PIEZO2: variants seen among roughly 807,000 people sequenced by gnomAD.
PIEZO2 encodes the protein piezo type mechanosensitive ion channel component 2.
A neutral mutation model predicts 337.3 loss-of-function variants in PIEZO2; 172 were observed. The ratio of observed to expected loss-of-function variants is 0.51; its 90% CI spans 0.45 to 0.58. PIEZO2 has a LOEUF of 0.58. PIEZO2 is among the 20% of genes least tolerant of loss of function. PIEZO2 has a pLI of 0.00. For synonymous variants in PIEZO2, 1,251 were observed against 1,228.5 expected (o/e 1.02, Z -0.38); for missense variants, 3,028 against 3,391.3 (o/e 0.89, Z 2.66).
rs1191831092 is a variant in PIEZO2, at chr18:10,943,959, A to C, written c.287-32731T>G. On this transcript the variant is annotated intron_variant, in intron 3 of 55. Transcript: ENST00000674853. This position sits in a 1 kb window ranked among gnomAD's most constrained non-coding sequence, Gnocchi z 4.5. ...TCTCTTTGCCTGCTGCCATCCACGT[A>C]TGATGTGACTTCCTCCTACTTGCCT... Among the ~76,000 whole-genome samples, 1 of 152,134 alleles carries C rather than the reference A, an allele frequency of 6.6e-6. No individual in the cohort carries two copies. Among genetic ancestry groups the C allele is most frequent in the Non-Finnish European group, 1.5e-5 (1 of 68,034 alleles).
chr18:10,911,225 G>A lies in PIEZO2; in HGVS notation c.290C>T (p.Ser97Leu), dbSNP rs1014757160. 1 of 682,162 alleles carries A rather than the reference G, an allele frequency of 1.5e-6. No individual in the cohort carries two copies. The highest frequency in any genetic ancestry group is 3.2e-5 in the Admixed American group (1 of 31,652). The allele number at this position is 682,162 out of a possible 1,614,324, so 42.3% of individuals were successfully genotyped here. A position where few individuals can be genotyped will look rare whatever the true frequency, so the allele number is the denominator to read the frequency against. Residue 97 changes from serine (S) to leucine (L), a missense_variant, in exon 4 of 56, where the codon TCA (serine) becomes TTA (leucine). Physicochemically the swap from Ser to Leu is moderately radical, Grantham distance 145. Transcript: ENST00000674853. The stretch of plus-strand genomic sequence containing the variant: ...CTGCCGGAATGTCTTTTCCCATGTT[G>A]AGCCTGTAATGGAAGGGAGAGACAT... Reference protein sequence around the residue: ...QHRIAPGYNCSTWEKTFRQIG... With the variant: ...QHRIAPGYNCLTWEKTFRQIG...
chr18:10,779,613 C>A (rs1035711390), intron 18 of PIEZO2, among the ~76,000 whole-genome samples: 1 of 152,132 alleles, frequency 6.6e-6, no homozygotes, highest in African/African-American at 2.4e-5. Context: ...TGTAAAATAT[C>A]CCTCTTCAAT....
rs999853434 is a variant in PIEZO2 at position 10,762,854 on chromosome 18, G to A, written c.3123+68C>T. The A allele has an allele frequency of 4.1e-6, 6 of 1,476,064 alleles. No individual in the cohort carries two copies. The Admixed American group carries it at 8.5e-5, about 21-fold the overall frequency. 91.4% of individuals were successfully genotyped at this position (1,476,064 alleles called of 1,614,324 possible). ...AGGCCAAATGTGCTTGGGGATGGGG[G>A]TTCCCCAAGTATCTGCCTTGCTTTG... On this transcript the variant is annotated intron_variant, in intron 22 of 55. Coordinates refer to ENST00000674853, the MANE Select transcript of PIEZO2 (RefSeq NM_001378183.1).
At chr18:11,019,144 C>G (rs564659308) in intron 2 of PIEZO2, among the ~76,000 whole-genome samples, 1 of 152,332 alleles carries the variant, frequency 6.6e-6, no homozygotes, top group South Asian at 2.1e-4. Flanking sequence ...AGGTCCAAGG[C>G]TACCCCAATT....
intron 7 of PIEZO2, among the ~76,000 whole-genome samples, chr18:10,814,780 T>C (rs919847458): frequency 1.3e-5 from 2 of 152,136 alleles, no homozygotes; most frequent in African/African-American, 4.8e-5. Context: ...CACCAGGAGC[T>C]AAGTGGATCA....
At chr18:11,085,299 C>G (rs375687169) in intron 1 of PIEZO2, among the ~76,000 whole-genome samples, 12 of 152,246 alleles carry the variant, frequency 7.9e-5, no homozygotes, top group East Asian at 7.7e-4. Context: ...GCATTCCAGA[C>G]CCTTTAAAAT....
At chr18:11,046,202 C>A (rs72872240) in intron 2 of PIEZO2, among the ~76,000 whole-genome samples, 15,776 of 152,214 alleles carry the variant, frequency 0.1, 950 homozygotes, top group Middle Eastern at 0.16. Context: ...CTTCAAAAAG[C>A]CTTTGTGAAA....
intron 53 of PIEZO2, among the ~76,000 whole-genome samples, chr18:10,675,674 C>G (rs2033966822): frequency 6.6e-6 from 1 of 152,100 alleles, no homozygotes; most frequent in Admixed American, 6.5e-5. Flanking sequence ...TCAAACATAC[C>G]TATAATCAGG....
chr18:11,130,905 C>T (rs1356890773), intron 1 of PIEZO2, among the ~76,000 whole-genome samples: 1 of 152,208 alleles, frequency 6.6e-6, no homozygotes, highest in Non-Finnish European at 1.5e-5. Context: ...GGCTCTGCAA[C>T]AGGTCCAGGC....
intron 2 of PIEZO2, among the ~76,000 whole-genome samples, chr18:11,011,295 T>G (rs1468275801): frequency 6.6e-6 from 1 of 152,258 alleles, no homozygotes; most frequent in Non-Finnish European, 1.5e-5. Flanking sequence ...TTAAATTATA[T>G]TGCCAATAAT....
intron 3 of PIEZO2, among the ~76,000 whole-genome samples, chr18:10,967,408 CAT>C (rs1378721127): frequency 1.3e-5 from 2 of 152,152 alleles, no homozygotes; most frequent in African/African-American, 2.4e-5. Flanking sequence ...CTCCTATAAA[CAT>C]GTGTGTGCAA....
At chr18:11,145,384 T>G (rs1037800214) in intron 1 of PIEZO2, among the ~76,000 whole-genome samples, 1 of 152,178 alleles carries the variant, frequency 6.6e-6, no homozygotes, top group Admixed American at 6.5e-5. Context: ...AACCATTATA[T>G]TAAACACAAT....
chr18:10,843,926 G>T (rs1434295365), intron 7 of PIEZO2, among the ~76,000 whole-genome samples: 1 of 152,198 alleles, frequency 6.6e-6, no homozygotes, highest in Non-Finnish European at 1.5e-5. Context: ...GTGACAAAGT[G>T]CAAAGGCTGG....
intron 36 of PIEZO2, among the ~76,000 whole-genome samples, chr18:10,723,543 G>C (rs1255095667): frequency 6.6e-6 from 1 of 152,130 alleles, no homozygotes; most frequent in Non-Finnish European, 1.5e-5. Context: ...TTAAGATGGA[G>C]AAATAACAGC....
chr18:10,820,140 G>T (rs2144450358), intron 7 of PIEZO2, among the ~76,000 whole-genome samples: 1 of 152,058 alleles, frequency 6.6e-6, no homozygotes, highest in Non-Finnish European at 1.5e-5. Flanking sequence ...TAATTATATT[G>T]TGTTTTTGTG....
chr18:10,797,814 T>C (rs2039665713), intron 11 of PIEZO2, among the ~76,000 whole-genome samples: 1 of 152,220 alleles, frequency 6.6e-6, no homozygotes, highest in South Asian at 2.1e-4. Flanking sequence ...GTGTTCATGC[T>C]GTTGTGTGGG....
chr18:10,793,253 C>T (rs530248275), intron 13 of PIEZO2, among the ~76,000 whole-genome samples: 3 of 145,924 alleles, frequency 2.1e-5, no homozygotes, highest in African/African-American at 7.8e-5. Flanking sequence ...AGCAAAACTC[C>T]GTCTCAAAAA....
At position 10,677,930 on chromosome 18, in the gene PIEZO2, G is replaced by T; in HGVS notation, c.7953-55C>A. 1 of 1,475,526 alleles carries T rather than the reference G, an allele frequency of 6.8e-7. No homozygotes were observed. Among genetic ancestry groups the T allele is most frequent in the Admixed American group, 2.4e-5 (1 of 41,598 alleles). The allele number at this position is 1,475,526 out of a possible 1,614,324, so 91.4% of individuals were successfully genotyped here. A position where few individuals can be genotyped will look rare whatever the true frequency, so the allele number is the denominator to read the frequency against. Reference sequence around the variant, plus strand: ...AGTGATTATTCAGAAGTCTGGAAAAGAGATTTACAACATATTTAACTCTTA... The same window carrying T: ...AGTGATTATTCAGAAGTCTGGAAAATAGATTTACAACATATTTAACTCTTA... On this transcript the variant is annotated intron_variant, in intron 52 of 55. Coordinates refer to ENST00000674853, the MANE Select transcript of PIEZO2 (RefSeq NM_001378183.1). This position sits in a 1 kb window ranked among gnomAD's most constrained non-coding sequence, Gnocchi z 4.1.
chr18:11,091,391 AAAAAAAAAG>A (rs1568365962), intron 1 of PIEZO2, among the ~76,000 whole-genome samples: 1 of 123,328 alleles, frequency 8.1e-6, no homozygotes, highest in African/African-American at 2.8e-5. Flanking sequence ...CTCAAAAAAA[AAAAAAAAAG>A]AAAAAAAGAA....
Sources: allele counts gnomAD v4.1 joint callset (sites outside exome capture counted in the v4.1 genomes callset), GRCh38; gene constraint gnomAD v4.1.1; non-coding constraint Gnocchi (gnomAD v3.1); transcripts MANE v1.5; gene names NCBI Gene and HGNC (gene_info 2026-07-23, HGNC 2026-07-21).